Variants in AHI1 observed in about 807,000 individuals in gnomAD.
AHI1 encodes the protein Abelson helper integration site 1.
AHI1 carries 123 observed loss-of-function variants against 149.3 expected under a neutral mutation model. That is an observed-to-expected ratio of 0.82 (90% confidence interval 0.71 to 0.96). The LOEUF (loss-of-function observed/expected upper bound fraction) is 0.96, where lower values mean the gene tolerates loss of function less well. AHI1 is among the 40% of genes least tolerant of loss of function. The pLI, the probability that AHI1 is intolerant of heterozygous loss-of-function variation, is 0.00. For synonymous variants in AHI1, 475 were observed against 459.8 expected (o/e 1.03, Z -0.42); for missense variants, 1,439 against 1,422.7 (o/e 1.01, Z -0.18).
chr6:135,357,696 A>C (rs1016450563), intron 24 of AHI1, among the ~76,000 whole-genome samples: 1 of 152,240 alleles, frequency 6.6e-6, no homozygotes, highest in Non-Finnish European at 1.5e-5. Flanking sequence ...AAATCTAATA[A>C]TTATCTTCCT....
intron 5 of AHI1, among the ~76,000 whole-genome samples, chr6:135,487,306 C>T (rs538771236): frequency 1.7e-4 from 26 of 152,128 alleles, no homozygotes; most frequent in African/African-American, 5.5e-4. Context: ...TTTAACTATA[C>T]GCTAGGGACA....
At chr6:135,385,938 C>T (rs192527737) in intron 23 of AHI1, among the ~76,000 whole-genome samples, 3 of 152,322 alleles carry the variant, frequency 2.0e-5, no homozygotes, top group African/African-American at 7.2e-5. Flanking sequence ...ATATTCACAA[C>T]ATTTTTACCA....
rs145562121 is a variant in AHI1 at position 135,450,875 on chromosome 6, G to C, written c.1441-2400C>G. ...AACTGAAAGTACCTGAGAATCTGAG[G>C]CATAGCTGAGAATTAGGATAAAGTC... On this transcript the variant is annotated intron_variant, in intron 11 of 28. Transcript: ENST00000265602. Among the ~76,000 whole-genome samples, 75 of 152,250 alleles carry C rather than the reference G, an allele frequency of 4.9e-4. 1 individual carries two copies. Among genetic ancestry groups the C allele is most frequent in the African/African-American group, 1.7e-3 (70 of 41,536 alleles).
At chr6:135,334,884 C>T (rs1190294416) in intron 24 of AHI1, among the ~76,000 whole-genome samples, 1 of 152,180 alleles carries the variant, frequency 6.6e-6, no homozygotes, top group Non-Finnish European at 1.5e-5. Context: ...TTCTTGGGCC[C>T]TATTCCAAAT....
chr6:135,469,355 T>C (rs574751288), intron 5 of AHI1, among the ~76,000 whole-genome samples: 1 of 152,316 alleles, frequency 6.6e-6, no homozygotes, highest in Non-Finnish European at 1.5e-5. Context: ...TTATGGAACA[T>C]ACCTCAAAAT....
chr6:135,321,092 G>A (rs1167773868), intron 25 of AHI1, among the ~76,000 whole-genome samples: 1 of 152,022 alleles, frequency 6.6e-6, no homozygotes, highest in African/African-American at 2.4e-5. Context: ...CTCTAACAGA[G>A]TTTAAGAGTT....
At chr6:135,413,575 T>A (rs1361786806) in intron 20 of AHI1, among the ~76,000 whole-genome samples, 1 of 151,960 alleles carries the variant, frequency 6.6e-6, no homozygotes, top group Non-Finnish European at 1.5e-5. Context: ...TTAAGGAGGT[T>A]CTCACTCTGA....
At position 135,284,305 on chromosome 6, in the gene AHI1, A is replaced by G. The variant is rs946662789; in HGVS notation, c.*1340T>C. The G allele has an allele frequency of 6.6e-6, 1 of 152,210 alleles. No individual in the cohort carries two copies. The highest frequency in any genetic ancestry group is 6.5e-5 in the Admixed American group (1 of 15,288). 9.4% of individuals were successfully genotyped at this position (152,210 alleles called of 1,614,324 possible). A position where few individuals can be genotyped will look rare whatever the true frequency, so the allele number is the denominator to read the frequency against. ...GAGCCAAATATATTTTTATTAGAAG[A>G]TATTTCACACTGGGTATACATCTGG... On this transcript the variant is annotated 3_prime_UTR_variant, in exon 29 of 29. Transcript: ENST00000265602.
intron 5 of AHI1, among the ~76,000 whole-genome samples, chr6:135,483,322 G>A (rs1439523468): frequency 5.3e-5 from 8 of 152,100 alleles, no homozygotes. Context: ...ATAGGTGAAT[G>A]AACACATGAA....
intron 23 of AHI1, among the ~76,000 whole-genome samples, chr6:135,385,536 AAGAAG>A (rs1777456021): frequency 6.6e-6 from 1 of 152,324 alleles, no homozygotes; most frequent in African/African-American, 2.4e-5. Context: ...TGAGCTTGAA[AAGAAG>A]AGATTAGAGA....
At chr6:135,320,277 T>C (rs918600981) in intron 25 of AHI1, among the ~76,000 whole-genome samples, 1 of 152,136 alleles carries the variant, frequency 6.6e-6, no homozygotes, top group Non-Finnish European at 1.5e-5. Context: ...CAGTGACTGA[T>C]GCCAAAAGAA....
intron 20 of AHI1, among the ~76,000 whole-genome samples, chr6:135,422,158 G>A (rs1293985133): frequency 2.0e-5 from 3 of 152,000 alleles, no homozygotes; most frequent in African/African-American, 7.3e-5. Flanking sequence ...AGAAAACTGT[G>A]GATATTAAAT....
intron 23 of AHI1, among the ~76,000 whole-genome samples, chr6:135,361,801 T>A (rs977796027): frequency 6.6e-5 from 10 of 152,180 alleles, no homozygotes; most frequent in Non-Finnish European, 8.8e-5. Context: ...TATGTGTGTA[T>A]CTTTGGATTT....
At chr6:135,471,048 C>CT (rs934621001) in intron 5 of AHI1, among the ~76,000 whole-genome samples, 1 of 152,076 alleles carries the variant, frequency 6.6e-6, no homozygotes, top group African/African-American at 2.4e-5. Flanking sequence ...TTTGTTTCTA[C>CT]TTTTTCAGTG....
Position 135,370,381 on chromosome 6 carries a change from G to A in AHI1, c.3110-12194C>T, listed in dbSNP as rs551775993. On this transcript the variant is annotated intron_variant, in intron 23 of 28. Transcript: ENST00000265602. ...GCCTTACTCCCAGTTTCCTGTCAGT[G>A]CTTAAGCTTCAAAAGTCCTCTTGGG... is the stretch of plus-strand genomic sequence containing the variant. 2.0e-5 allele frequency among the ~76,000 whole-genome samples: 3 copies of A among 152,196 alleles called. No homozygotes were observed. The South Asian group carries it at 6.2e-4, about 32-fold the overall frequency.
At chr6:135,323,117 C>A (rs763949003) in intron 25 of AHI1, 45 bp downstream of exon 25, 4 of 1,529,990 alleles carry the variant, frequency 2.6e-6, no homozygotes, top group Non-Finnish European at 3.5e-6. Context: ...CTTGGACTAT[C>A]AGTTATACCA....
At chr6:135,380,794 A>AT (rs1171390527) in intron 23 of AHI1, among the ~76,000 whole-genome samples, 1 of 140,210 alleles carries the variant, frequency 7.1e-6, no homozygotes, top group Non-Finnish European at 1.5e-5. Context: ...GGTGGAAAAC[A>AT]TTTTTTGGTC....
chr6:135,340,654 C>CATATAT lies in AHI1; in HGVS notation c.3166-17331_3166-17330insATATAT, dbSNP rs1290327693. Among the ~76,000 whole-genome samples the CATATAT allele has an allele frequency of 4.1e-3, 241 of 58,518 alleles. 3 individuals are homozygous for CATATAT. Among genetic ancestry groups the CATATAT allele is most frequent in the Non-Finnish European group, 6.5e-3 (170 of 25,974 alleles). The allele number at this position is 58,518 out of a possible 152,430, so 38.4% of individuals were successfully genotyped here. On this transcript the variant is annotated intron_variant, in intron 24 of 28. Coordinates refer to ENST00000265602, the MANE Select transcript of AHI1 (RefSeq NM_001134831.2). Reference sequence around the variant, plus strand: ...AAAAACCAGTACATATATATACATACATACATATATATATATATATATATA... The same window carrying CATATAT: ...AAAAACCAGTACATATATATACATACATATATATACATATATATATATATATATATA...
At chr6:135,487,259 TTTTA>T (rs1235691363) in intron 5 of AHI1, among the ~76,000 whole-genome samples, 4 of 152,148 alleles carry the variant, frequency 2.6e-5, no homozygotes, top group Non-Finnish European at 5.9e-5. Flanking sequence ...TATATACTTG[TTTTA>T]TTTATTTCAA....
Sources: gnomAD v4.1 joint callset for allele counts (sites outside exome capture counted in the v4.1 genomes callset) on GRCh38, gnomAD v4.1.1 for gene constraint, MANE v1.5 for transcripts, NCBI Gene and HGNC (gene_info 2026-07-23, HGNC 2026-07-21) for gene names.